Variants in EXOC2 observed in about 807,000 individuals in gnomAD.
EXOC2 encodes the protein exocyst complex component 2.
A neutral mutation model predicts 131.8 loss-of-function variants in EXOC2; 70 were observed. The ratio of observed to expected loss-of-function variants is 0.53; its 90% CI spans 0.44 to 0.65. EXOC2 has a LOEUF of 0.65. Ranked by LOEUF, EXOC2 falls within the 30% of genes least tolerant of loss-of-function variation. The probability of loss-of-function intolerance (pLI) is 0.00; values close to 1 mark genes in which losing one functional copy is unlikely to be tolerated. For synonymous variants in EXOC2, 411 were observed against 398.4 expected, an observed-to-expected ratio of 1.03 and a Z score of -0.38; for missense variants, 923 against 1,108.6, an observed-to-expected ratio of 0.83 and a Z score of 2.38.
intron 22 of EXOC2, among the ~76,000 whole-genome samples, chr6:548,780 C>T (rs765339609): frequency 6.6e-6 from 1 of 152,166 alleles, no homozygotes; most frequent in Non-Finnish European, 1.5e-5. Flanking sequence ...GGTTTTTCTG[C>T]AGGCTCAGGG....
intron 1 of EXOC2, among the ~76,000 whole-genome samples, chr6:686,528 A>G (rs1424180929): frequency 1.3e-5 from 2 of 152,230 alleles, no homozygotes; most frequent in Non-Finnish European, 2.9e-5. Flanking sequence ...TGAGATGACT[A>G]GGAAGGAATA....
intron 4 of EXOC2, among the ~76,000 whole-genome samples, chr6:620,677 A>G (rs1239211263): frequency 1.3e-5 from 2 of 152,160 alleles, no homozygotes; most frequent in Non-Finnish European, 2.9e-5. Flanking sequence ...CACAGCCTCA[A>G]TTCAGAAATT....
At position 646,325 on chromosome 6, in the gene EXOC2, AGAT is replaced by A. The variant is rs2127729836; in HGVS notation, c.-43-8467_-43-8465del. Among the ~76,000 whole-genome samples the A allele has an allele frequency of 2.2e-5, 3 of 138,074 alleles. No individual in the cohort carries two copies. In the East Asian group the frequency reaches 6.4e-4, roughly 29 times the overall value. The allele number at this position is 138,074 out of a possible 152,430, so 90.6% of individuals were successfully genotyped here. ...ATGGTTCACAAAAACATAGACAGAC[AGAT>A]GGACAGAATGATACAGAAATTGGGG... On this transcript the variant is annotated intron_variant, in intron 1 of 27. Coordinates refer to ENST00000230449, the MANE Select transcript of EXOC2 (RefSeq NM_018303.6).
rs1446722578 is a variant in EXOC2 at position 658,670 on chromosome 6, T to A, written c.-43-20809A>T. 2.0e-3 allele frequency among the ~76,000 whole-genome samples: 279 copies of A among 137,062 alleles called. 2 individuals are homozygous for A. Among genetic ancestry groups the A allele is most frequent in the Middle Eastern group, 0.011 (3 of 270 alleles). 89.9% of individuals were successfully genotyped at this position (137,062 alleles called of 152,430 possible). A position where few individuals can be genotyped will look rare whatever the true frequency, so the allele number is the denominator to read the frequency against. On this transcript the variant is annotated intron_variant, in intron 1 of 27. Transcript: ENST00000230449. ...TTATATATATATATATATATATTTTTTTTTTTTTTAGACGAAGTCTTGCTT... is the reference window on the plus strand; with the variant it reads ...TTATATATATATATATATATATTTTATTTTTTTTTAGACGAAGTCTTGCTT...
At chr6:612,413 T>A (rs1760761353) in intron 6 of EXOC2, among the ~76,000 whole-genome samples, 1 of 152,204 alleles carries the variant, frequency 6.6e-6, no homozygotes, top group Non-Finnish European at 1.5e-5. Flanking sequence ...TTTAAATTGA[T>A]AGAGAGCCCT....
chr6:658,167 C>G (rs1209719038), intron 1 of EXOC2, among the ~76,000 whole-genome samples: 4 of 152,108 alleles, frequency 2.6e-5, no homozygotes, highest in African/African-American at 7.3e-5. Context: ...CTCCACTAAC[C>G]TGAAATGTCA....
intron 6 of EXOC2, among the ~76,000 whole-genome samples, chr6:614,274 C>T (rs945101851): frequency 5.9e-5 from 9 of 152,096 alleles, no homozygotes; most frequent in Non-Finnish European, 1.0e-4. Flanking sequence ...AGATTGAAGT[C>T]GGCCTTGACC....
In EXOC2 at chr6:678,488, G is replaced by A. The variant is rs547045515; in HGVS notation, c.-44+14531C>T. Among the ~76,000 whole-genome samples the A allele has an allele frequency of 3.9e-5, 6 of 152,348 alleles. No homozygotes were observed. In the East Asian group the frequency reaches 9.6e-4, roughly 24 times the overall value. On this transcript the variant is annotated intron_variant, in intron 1 of 27. Coordinates refer to ENST00000230449, the MANE Select transcript of EXOC2 (RefSeq NM_018303.6). ...GTGGGCCAGGTGCGTCATTAGCTGC[G>A]CTGACACGCCAGAGACTGGGTGAGC...
At chr6:541,804 C>G (rs1756563229) in intron 22 of EXOC2, among the ~76,000 whole-genome samples, 1 of 152,162 alleles carries the variant, frequency 6.6e-6, no homozygotes, top group Non-Finnish European at 1.5e-5. Context: ...GCAATCATCT[C>G]ACAAAGAAAA....
At chr6:581,739 G>GAA (rs59647437) in intron 11 of EXOC2, among the ~76,000 whole-genome samples, 1 of 150,390 alleles carries the variant, frequency 6.6e-6, no homozygotes, top group African/African-American at 2.4e-5. Flanking sequence ...ATCTTGGAAG[G>GAA]AAAAAAAAAT....
chr6:621,005 A>T (rs1036666100), intron 4 of EXOC2, among the ~76,000 whole-genome samples: 2 of 152,100 alleles, frequency 1.3e-5, no homozygotes, highest in African/African-American at 4.8e-5. Context: ...TCATGGATGC[A>T]TCTGCTTCCT....
intron 23 of EXOC2, among the ~76,000 whole-genome samples, chr6:531,969 C>T (rs1316849631): frequency 1.3e-5 from 2 of 152,186 alleles, no homozygotes; most frequent in African/African-American, 4.8e-5. Flanking sequence ...AATACTTGAA[C>T]TGTGTCATTC....
chr6:671,457 C>G (rs888902693), intron 1 of EXOC2, among the ~76,000 whole-genome samples: 2 of 152,086 alleles, frequency 1.3e-5, no homozygotes, highest in African/African-American at 4.8e-5. Flanking sequence ...AGGTGCTGGG[C>G]ATGGTGCCAG....
intron 22 of EXOC2, 134 bp from the exon 23 acceptor site, chr6:532,744 T>C: frequency 1.1e-5 from 9 of 850,000 alleles, no homozygotes; most frequent in Non-Finnish European, 1.3e-5. Flanking sequence ...GTGACTTTTA[T>C]ATATTTTCAG....
chr6:599,324 A>C (rs1759995887), intron 7 of EXOC2, 99 bp from the exon 8 acceptor site: 2 of 1,113,432 alleles, frequency 1.8e-6, no homozygotes, highest in African/African-American at 3.2e-5. Context: ...CTGCTATTGT[A>C]GTTTTACGTT....
chr6:510,899 C>T (rs954634271), intron 23 of EXOC2, among the ~76,000 whole-genome samples: 3 of 152,188 alleles, frequency 2.0e-5, no homozygotes, highest in African/African-American at 7.2e-5. Flanking sequence ...TCATTCTATA[C>T]ATGCAGATGA....
intron 22 of EXOC2, among the ~76,000 whole-genome samples, chr6:539,425 A>G (rs1235811816): frequency 1.3e-5 from 2 of 151,738 alleles, no homozygotes; most frequent in South Asian, 2.1e-4. Context: ...GCTCCCAATA[A>G]GCCACCGCCC....
rs897768846 is a variant in EXOC2 at position 645,211 on chromosome 6, T to C, written c.-43-7350A>G. Among the ~76,000 whole-genome samples the C allele has an allele frequency of 1.1e-4, 17 of 151,192 alleles. No individual in the cohort carries two copies. In the South Asian group the frequency reaches 2.3e-3, roughly 21 times the overall value. ...TAATTCAATGGGAAAAATATTTTAA[T>C]GGTGTTGAAAAAACTGGATAGCTAC... On this transcript the variant is annotated intron_variant, in intron 1 of 27. Coordinates refer to ENST00000230449, the MANE Select transcript of EXOC2 (RefSeq NM_018303.6).
At chr6:564,178 G>T in intron 15 of EXOC2, 24 bp from the exon 16 acceptor site, 2 of 1,611,800 alleles carry the variant, frequency 1.2e-6, no homozygotes, top group Non-Finnish European at 1.7e-6. Context: ...CATCCAAACA[G>T]AAGTGAGCAG....
Sources: gnomAD v4.1 joint callset for allele counts (sites outside exome capture counted in the v4.1 genomes callset) on GRCh38, gnomAD v4.1.1 for gene constraint, MANE v1.5 for transcripts, NCBI Gene and HGNC (gene_info 2026-07-23, HGNC 2026-07-21) for gene names.